Variants in FRMPD4 observed in about 807,000 individuals in gnomAD.
FRMPD4 encodes FERM and PDZ domain containing 4, also known as FERM and PDZ domain-containing protein 4.
FRMPD4 carries 22 observed loss-of-function variants against 94.1 expected under a neutral mutation model. That is an observed-to-expected ratio of 0.23 (90% confidence interval 0.17 to 0.33). The LOEUF (loss-of-function observed/expected upper bound fraction) is 0.33, where lower values mean the gene tolerates loss of function less well. Ranked by LOEUF, FRMPD4 falls within the 10% of genes least tolerant of loss-of-function variation. The pLI, the probability that FRMPD4 is intolerant of heterozygous loss-of-function variation, is 1.00. For missense variants in FRMPD4, 1,111 were observed against 1,339.9 expected (o/e 0.83, Z 2.67); for synonymous variants, 631 against 548.6 (o/e 1.15, Z -2.10).
chrX:12,023,346 C>T (rs1001078716), intron 3 of FRMPD4, among the ~76,000 whole-genome samples: 4 of 111,441 alleles, frequency 3.6e-5, no homozygotes, highest in African/African-American at 1.3e-4. Flanking sequence ...CACCAGGAGA[C>T]CCAAGAAGTT....
chrX:12,236,761 A>G (rs1471423412), intron 1 of FRMPD4, among the ~76,000 whole-genome samples: 1 of 112,215 alleles, frequency 8.9e-6, no homozygotes, highest in Non-Finnish European at 1.9e-5. Context: ...TGGGTTCTGT[A>G]AGCCTGCAGT....
At chrX:12,263,738 T>A (rs1411457812) in intron 1 of FRMPD4, among the ~76,000 whole-genome samples, 1 of 110,269 alleles carries the variant, frequency 9.1e-6, no homozygotes, top group Non-Finnish European at 1.9e-5. Flanking sequence ...ATGGAGTGTG[T>A]CTTAGTCTGT....
At chrX:11,987,484 G>A (rs146817283) in intron 3 of FRMPD4, among the ~76,000 whole-genome samples, 1 of 111,249 alleles carries the variant, frequency 9.0e-6, no homozygotes, top group East Asian at 2.8e-4. Context: ...GGGAAAAACT[G>A]AGGCCCTTTT....
chrX:12,032,530 A>G (rs980645431), intron 3 of FRMPD4, among the ~76,000 whole-genome samples: 1 of 112,385 alleles, frequency 8.9e-6, no homozygotes, highest in African/African-American at 3.2e-5. Context: ...GAAAACTACT[A>G]GAGAGGACTA....
At chrX:12,109,396 C>A (rs781438464) in intron 3 of FRMPD4, among the ~76,000 whole-genome samples, 63 of 111,936 alleles carry the variant, frequency 5.6e-4, no homozygotes, top group African/African-American at 2.0e-3. Context: ...GTACAACATA[C>A]CAGAATCTCT....
chrX:12,060,233 C>T (rs73632666), intron 3 of FRMPD4, among the ~76,000 whole-genome samples: 5,060 of 107,733 alleles, frequency 0.047, 312 homozygotes, highest in African/African-American at 0.16. Context: ...AGTGTATAAA[C>T]GTTCCCTTTT....
At chrX:12,347,758 A>C (rs1375762892) in intron 1 of FRMPD4, among the ~76,000 whole-genome samples, 1 of 111,750 alleles carries the variant, frequency 8.9e-6, no homozygotes, top group African/African-American at 3.2e-5. Context: ...TTAAATTATT[A>C]TTTAAATTGT....
At chrX:12,112,014 C>T (rs2055367299) in intron 3 of FRMPD4, among the ~76,000 whole-genome samples, 1 of 111,557 alleles carries the variant, frequency 9.0e-6, no homozygotes, top group South Asian at 3.8e-4. Context: ...TGTGGCGATT[C>T]CTCAAGGATC....
intron 4 of FRMPD4, among the ~76,000 whole-genome samples, chrX:12,621,203 C>A (rs1013092007): frequency 4.5e-5 from 5 of 111,269 alleles, no homozygotes; most frequent in African/African-American, 9.8e-5. Context: ...GGACTCCAGC[C>A]TGGGCAACAG....
intron 1 of FRMPD4, among the ~76,000 whole-genome samples, chrX:12,263,825 G>T (rs1476430762): frequency 9.0e-6 from 1 of 111,470 alleles, no homozygotes. Context: ...CTAAAGGCTG[G>T]GAAGTCCAAT....
chrX:12,540,418 A>G (rs1282745340), intron 2 of FRMPD4, among the ~76,000 whole-genome samples: 3 of 111,775 alleles, frequency 2.7e-5, no homozygotes, highest in Middle Eastern at 4.2e-3. Context: ...ATGGAACACA[A>G]AAAAAGGCAG....
chrX:12,375,517 C>G (rs1404889141), intron 1 of FRMPD4, among the ~76,000 whole-genome samples: 1 of 112,442 alleles, frequency 8.9e-6, no homozygotes, highest in Non-Finnish European at 1.9e-5. Context: ...TACACTGGAT[C>G]CTTCTCATGC....
chrX:12,355,672 T>C (rs1217089812), intron 1 of FRMPD4, among the ~76,000 whole-genome samples: 1 of 111,940 alleles, frequency 8.9e-6, no homozygotes, highest in Non-Finnish European at 1.9e-5. Context: ...AGGTGAATTA[T>C]ATGGCTCTTC....
At chrX:12,111,085 G>A (rs1277104524) in intron 3 of FRMPD4, among the ~76,000 whole-genome samples, 4 of 111,220 alleles carry the variant, frequency 3.6e-5, no homozygotes, top group Non-Finnish European at 5.7e-5. Context: ...AGTTCATATG[G>A]AACCAAAAAA....
chrX:12,543,000 T>A (rs554628768), intron 2 of FRMPD4, among the ~76,000 whole-genome samples: 5,249 of 111,776 alleles, frequency 0.047, 339 homozygotes, highest in African/African-American at 0.16. Flanking sequence ...AAGATTCCCT[T>A]TTTAATAAAT....
At chrX:12,261,153 G>A (rs1241469218) in intron 1 of FRMPD4, among the ~76,000 whole-genome samples, 1 of 111,660 alleles carries the variant, frequency 9.0e-6, no homozygotes, top group East Asian at 2.8e-4. Context: ...TTCTTACAGA[G>A]GATATTATCA....
chrX:11,954,808 T>C (rs5935205), intron 3 of FRMPD4, among the ~76,000 whole-genome samples: 1,242 of 110,027 alleles, frequency 0.011, 4 homozygotes, highest in Non-Finnish European at 0.014. Context: ...GCAAATTCCT[T>C]ATGGGAGATT....
chrX:12,645,735 C>T (rs1316900934), intron 4 of FRMPD4, among the ~76,000 whole-genome samples: 2 of 111,296 alleles, frequency 1.8e-5, no homozygotes, highest in Admixed American at 1.9e-4. Context: ...TCCTCTCTTA[C>T]CTAGTTGAAA....
In FRMPD4 at chrX:11,862,358, G is replaced by A. The variant is rs192981289; in HGVS notation, c.-160-2728G>A. The stretch of plus-strand genomic sequence containing the variant: ...CATATGGGTACCAAAGGGGTATTTA[G>A]GCTAATGTAAAGTGGCAAAAAAGAA... On this transcript the variant is annotated intron_variant, in intron 1 of 18. Coordinates refer to the FRMPD4 transcript ENST00000640291. Among the ~76,000 whole-genome samples, 25 of 111,365 alleles carry A rather than the reference G, an allele frequency of 2.2e-4. 1 individual carries two copies. The highest frequency in any genetic ancestry group is 7.8e-4 in the African/African-American group (24 of 30,640).
Sources: allele counts gnomAD v4.1 joint callset (sites outside exome capture counted in the v4.1 genomes callset), GRCh38; gene constraint gnomAD v4.1.1; transcripts MANE v1.5; gene names NCBI Gene and HGNC (gene_info 2026-07-23, HGNC 2026-07-21).